Variants in FHIP1A observed in about 807,000 individuals in gnomAD.
The protein encoded by FHIP1A is FHF complex subunit HOOK-interacting protein 1A.
Under a neutral mutation model 88.6 loss-of-function variants are expected in FHIP1A, and 61 were observed. The observed-to-expected ratio is 0.69, with a 90% CI of 0.56 to 0.85. The LOEUF (loss-of-function observed/expected upper bound fraction) is 0.85. FHIP1A is among the 40% of genes least tolerant of loss of function. The pLI, the probability that FHIP1A is intolerant of heterozygous loss-of-function variation, is 0.00. For missense variants in FHIP1A, 1,154 were observed against 1,273.5 expected, an observed-to-expected ratio of 0.91 and a Z score of 1.43; for synonymous variants, 478 against 496.0, an observed-to-expected ratio of 0.96 and a Z score of 0.48.
intron 1 of FHIP1A, among the ~76,000 whole-genome samples, chr4:151,440,323 T>G (rs1229295224): frequency 2.0e-5 from 3 of 152,148 alleles, no homozygotes. Flanking sequence ...GTCAGTAAGC[T>G]TCATGAAAGC....
At chr4:151,480,840 T>C (rs11723262) in intron 2 of FHIP1A, among the ~76,000 whole-genome samples, 54,642 of 151,552 alleles carry the variant, frequency 0.36, 10,281 homozygotes, top group Non-Finnish European at 0.43. Flanking sequence ...CCCACCCCCA[T>C]TTTTTTCTTT....
At chr4:151,488,081 T>A (rs564451560) in intron 3 of FHIP1A, among the ~76,000 whole-genome samples, 39 of 152,320 alleles carry the variant, frequency 2.6e-4, no homozygotes, top group African/African-American at 9.1e-4. Context: ...CTATAATTGG[T>A]GTTTTCTTTC....
intron 3 of FHIP1A, among the ~76,000 whole-genome samples, chr4:151,512,288 A>G (rs997440598): frequency 3.3e-5 from 5 of 152,204 alleles, no homozygotes; most frequent in African/African-American, 9.7e-5. Context: ...ACCCATCTGT[A>G]CATCACCATC....
intron 3 of FHIP1A, among the ~76,000 whole-genome samples, chr4:151,528,678 T>C (rs1731768327): frequency 6.6e-6 from 1 of 152,182 alleles, no homozygotes; most frequent in Admixed American, 6.5e-5. Flanking sequence ...AGGGAAACTT[T>C]GCTTTTAGGT....
At chr4:151,412,582 T>TC (rs1732697010) in intron 1 of FHIP1A, among the ~76,000 whole-genome samples, 3 of 85,514 alleles carry the variant, frequency 3.5e-5, no homozygotes, top group African/African-American at 1.2e-4. Context: ...TTCTTTCCTT[T>TC]CTTTCCTTCC....
intron 5 of FHIP1A, among the ~76,000 whole-genome samples, chr4:151,583,203 A>G (rs749822226): frequency 2.6e-5 from 4 of 152,234 alleles, no homozygotes; most frequent in Non-Finnish European, 4.4e-5. Context: ...TATAAATACC[A>G]TAAAGATTTA....
At chr4:151,643,365 A>G (rs1277363042) in intron 9 of FHIP1A, among the ~76,000 whole-genome samples, 3 of 152,178 alleles carry the variant, frequency 2.0e-5, no homozygotes, top group African/African-American at 7.2e-5. Context: ...TGGGGTACAC[A>G]TGATATTTTG....
chr4:151,424,426 G>C (rs1165609379), intron 1 of FHIP1A, among the ~76,000 whole-genome samples: 1 of 152,146 alleles, frequency 6.6e-6, no homozygotes, highest in African/African-American at 2.4e-5. Flanking sequence ...GCTGGCTGTA[G>C]GGAGAAAGGC....
chr4:151,662,609 C>T lies in FHIP1A; in HGVS notation c.2978C>T (p.Pro993Leu), dbSNP rs1462532916. 7 of 1,551,492 alleles carry T rather than the reference C, an allele frequency of 4.5e-6. No individual in the cohort carries two copies. Among genetic ancestry groups the T allele is most frequent in the African/African-American group, 1.4e-5 (1 of 73,024 alleles). Residue 993 changes from proline to leucine, a missense_variant, in exon 14 of 14, where the codon CCC becomes CTC. Physicochemically the swap from Pro to Leu is moderately conservative, Grantham distance 98. Transcript: ENST00000435205. ...CACAGAACCAAGGTGGCTGAGGCAC[C>T]CCCCAACCTGCCCCTGCCGGTGAGG... ...LTHRTKVAEAPPNLPLPVRNP... is the reference protein window; with the variant it reads ...LTHRTKVAEALPNLPLPVRNP...
At chr4:151,568,174 A>G (rs1220250091) in intron 4 of FHIP1A, among the ~76,000 whole-genome samples, 3 of 152,198 alleles carry the variant, frequency 2.0e-5, no homozygotes, top group African/African-American at 4.8e-5. Flanking sequence ...ATTCATTTCC[A>G]TAACAATACA....
chr4:151,452,865 G>T (rs1207327662), intron 1 of FHIP1A, among the ~76,000 whole-genome samples: 1 of 151,274 alleles, frequency 6.6e-6, no homozygotes, highest in Non-Finnish European at 1.5e-5. Flanking sequence ...TCATCTAGAG[G>T]TAGCCACCAT....
At chr4:151,588,519 C>G (rs1281804414) in intron 6 of FHIP1A, among the ~76,000 whole-genome samples, 2 of 152,118 alleles carry the variant, frequency 1.3e-5, no homozygotes, top group Non-Finnish European at 2.9e-5. Flanking sequence ...GTTTAACACA[C>G]TGGATATGGT....
intron 1 of FHIP1A, among the ~76,000 whole-genome samples, chr4:151,427,697 A>G (rs1317204507): frequency 1.3e-5 from 2 of 152,138 alleles, no homozygotes; most frequent in Non-Finnish European, 2.9e-5. Context: ...ACTTCTTATT[A>G]CATTGTCATG....
At chr4:151,594,326 A>G (rs1369677596) in intron 7 of FHIP1A, among the ~76,000 whole-genome samples, 1 of 152,100 alleles carries the variant, frequency 6.6e-6, no homozygotes, top group African/African-American at 2.4e-5. Flanking sequence ...GTACCAGCTC[A>G]TCTTTTTACC....
intron 13 of FHIP1A, among the ~76,000 whole-genome samples, chr4:151,659,115 G>T (rs1038812425): frequency 3.9e-5 from 6 of 152,188 alleles, no homozygotes; most frequent in African/African-American, 1.4e-4. Flanking sequence ...ACTGCCTAAG[G>T]TTGTCAAATT....
intron 2 of FHIP1A, among the ~76,000 whole-genome samples, chr4:151,467,113 G>T (rs1411720124): frequency 6.6e-6 from 1 of 152,120 alleles, no homozygotes; most frequent in Non-Finnish European, 1.5e-5. Flanking sequence ...AATCTAAAAG[G>T]AACTTAAATA....
chr4:151,545,369 C>CTTTTTTTTTTT lies in FHIP1A; in HGVS notation c.-122-20753_-122-20743dup, dbSNP rs569126288. On this transcript the variant is annotated intron_variant, in intron 3 of 13. Coordinates refer to ENST00000435205, the MANE Select transcript of FHIP1A (RefSeq NM_001109977.3). Reference sequence around the variant, plus strand: ...CAAGGCAAAATATTTCCTTATCCTTCTTTTTTTTTTTTTTTTTTTTTTTTT... The same window carrying CTTTTTTTTTTT: ...CAAGGCAAAATATTTCCTTATCCTTCTTTTTTTTTTTTTTTTTTTTTTTTTTTTTTTTTTTT... 1.1e-3 allele frequency among the ~76,000 whole-genome samples: 86 copies of CTTTTTTTTTTT among 81,680 alleles called. 8 individuals are homozygous for CTTTTTTTTTTT. Among genetic ancestry groups the CTTTTTTTTTTT allele is most frequent in the African/African-American group, 4.3e-3 (84 of 19,650 alleles). 53.6% of individuals were successfully genotyped at this position (81,680 alleles called of 152,430 possible).
intron 3 of FHIP1A, among the ~76,000 whole-genome samples, chr4:151,505,336 T>C (rs531407937): frequency 6.6e-6 from 1 of 152,308 alleles, no homozygotes; most frequent in South Asian, 2.1e-4. Context: ...ACATGATTAT[T>C]ATCCTTACAA....
intron 9 of FHIP1A, among the ~76,000 whole-genome samples, chr4:151,644,591 G>A (rs1022615530): frequency 6.6e-6 from 1 of 152,088 alleles, no homozygotes; most frequent in African/African-American, 2.4e-5. Context: ...GCCTCAAGCA[G>A]TCCTCCCGCC....
Sources: gnomAD v4.1 joint callset for allele counts (sites outside exome capture counted in the v4.1 genomes callset) on GRCh38, gnomAD v4.1.1 for gene constraint, MANE v1.5 for transcripts, NCBI Gene and HGNC (gene_info 2026-07-23, HGNC 2026-07-21) for gene names.